Variants in VEPH1 observed in about 807,000 individuals in gnomAD.
VEPH1 encodes ventricular zone expressed PH domain containing 1, also known as ventricular zone-expressed PH domain-containing protein homolog 1.
In VEPH1, 80 loss-of-function variants were observed where a neutral mutation model predicts 85.2. The observed-to-expected ratio is 0.94, with a 90% CI of 0.78 to 1.13. VEPH1 has a LOEUF of 1.13. VEPH1 is among the 50% of genes most tolerant of loss of function. The pLI, the probability that VEPH1 is intolerant of heterozygous loss-of-function variation, is 0.00. For missense variants in VEPH1, 955 were observed against 980.5 expected, an observed-to-expected ratio of 0.97 and a Z score of 0.35; for synonymous variants, 297 against 348.0, an observed-to-expected ratio of 0.85 and a Z score of 1.63.
At chr3:157,358,148 G>C (rs1352164251) in intron 9 of VEPH1, among the ~76,000 whole-genome samples, 1 of 152,174 alleles carries the variant, frequency 6.6e-6, no homozygotes, top group Non-Finnish European at 1.5e-5. Context: ...CAGATGACTG[G>C]GATTGGGATA....
intron 10 of VEPH1, 82 bp from the exon 11 acceptor site, chr3:157,313,837 T>C: frequency 6.6e-7 from 1 of 1,519,968 alleles, no homozygotes; most frequent in South Asian, 1.2e-5. Context: ...AGGCACTGTT[T>C]AGGCTTGGTT....
chr3:157,263,914 G>A (rs940644909), intron 13 of VEPH1, among the ~76,000 whole-genome samples: 3 of 152,116 alleles, frequency 2.0e-5, no homozygotes, highest in Admixed American at 2.0e-4. Flanking sequence ...AATTAATTCA[G>A]ACAGTTTGGT....
intron 9 of VEPH1, among the ~76,000 whole-genome samples, chr3:157,357,993 G>A (rs1485770217): frequency 2.0e-5 from 3 of 152,206 alleles, no homozygotes; most frequent in African/African-American, 7.2e-5. Flanking sequence ...TTACACGCCC[G>A]AGTCTTGCAC....
intron 3 of VEPH1, among the ~76,000 whole-genome samples, chr3:157,465,310 G>A (rs1299142992): frequency 6.6e-6 from 1 of 152,130 alleles, no homozygotes; most frequent in African/African-American, 2.4e-5. Flanking sequence ...TTTAAAAAGT[G>A]GCTATAACAC....
intron 6 of VEPH1, among the ~76,000 whole-genome samples, chr3:157,395,560 G>T (rs1021408598): frequency 5.3e-5 from 8 of 152,076 alleles, no homozygotes; most frequent in African/African-American, 1.9e-4. Flanking sequence ...CAACAGAGTG[G>T]GTCATCATAT....
intron 9 of VEPH1, among the ~76,000 whole-genome samples, chr3:157,348,879 G>A (rs1399001046): frequency 1.3e-5 from 2 of 152,198 alleles, no homozygotes; most frequent in Non-Finnish European, 2.9e-5. Context: ...AAATGGCCCT[G>A]CAGCACCCCC....
At chr3:157,363,298 T>G in intron 9 of VEPH1, 66 bp downstream of exon 9, 40 of 1,442,526 alleles carry the variant, frequency 2.8e-5, no homozygotes, top group Non-Finnish European at 3.3e-5. Flanking sequence ...TTACCTGATT[T>G]GAGCTTTTTG....
In VEPH1 at chr3:157,348,883, C is replaced by G. The variant is rs571115829; in HGVS notation, c.1735+14481G>C. On this transcript the variant is annotated intron_variant, in intron 9 of 13. Coordinates refer to ENST00000362010, the MANE Select transcript of VEPH1 (RefSeq NM_001167912.2). ...CAAGGTCTGAAAAATGGCCCTGCAGCACCCCCTTGCAGCCTTCACCACTGA... is the reference window on the plus strand; with the variant it reads ...CAAGGTCTGAAAAATGGCCCTGCAGGACCCCCTTGCAGCCTTCACCACTGA... Among the ~76,000 whole-genome samples the G allele has an allele frequency of 4.6e-5, 7 of 152,354 alleles. No individual in the cohort carries two copies. In the East Asian group the frequency reaches 7.7e-4, roughly 17 times the overall value.
Position 157,470,442 on chromosome 3 carries a change from CA to C in VEPH1, c.225del (p.Ile75MetfsTer20), listed in dbSNP as rs1299740908. On this transcript the variant is annotated frameshift_variant, in exon 3 of 14. Transcript: ENST00000362010. LOFTEE classifies it high-confidence loss of function. Reference sequence around the variant, plus strand: ...CCCACAAGGGCCTTTGCATGCTTTTCAATGGACTCGGTCTCTCTGATGGCTG... The same window carrying C: ...CCCACAAGGGCCTTTGCATGCTTTTCATGGACTCGGTCTCTCTGATGGCTG... Reference protein sequence around the residue: ...ITTAIRETESIEKHAKALVGL... With the variant: ...ITTAIRETESXEKHAKALVGL... The C allele has an allele frequency of 6.2e-7, 1 of 1,614,190 alleles. No homozygotes were observed. Among genetic ancestry groups the C allele is most frequent in the Admixed American group, 1.7e-5 (1 of 60,022 alleles).
chr3:157,277,670 G>A (rs2108321600), intron 12 of VEPH1, among the ~76,000 whole-genome samples: 1 of 152,210 alleles, frequency 6.6e-6, no homozygotes, highest in East Asian at 1.9e-4. Flanking sequence ...CATGCTGTAT[G>A]TTATATATGA....
chr3:157,503,291 A>G lies in VEPH1; in HGVS notation c.-172T>C, dbSNP rs538403705. On this transcript the variant is annotated 5_prime_UTR_variant, in exon 1 of 14. Transcript: ENST00000362010. ...GATAGCCATACCTCTTTGCACAGGA[A>G]TCTCTGGTCATAGAAAATAGAAGGC... The G allele has an allele frequency of 1.3e-5, 2 of 152,346 alleles. No homozygotes were observed. Among genetic ancestry groups the G allele is most frequent in the Non-Finnish European group, 2.9e-5 (2 of 68,038 alleles). The allele number at this position is 152,346 out of a possible 1,614,324, so 9.4% of individuals were successfully genotyped here. A position where few individuals can be genotyped will look rare whatever the true frequency, so the allele number is the denominator to read the frequency against.
intron 5 of VEPH1, among the ~76,000 whole-genome samples, chr3:157,418,885 C>T (rs906332278): frequency 6.6e-6 from 1 of 152,042 alleles, no homozygotes; most frequent in African/African-American, 2.4e-5. Flanking sequence ...CGATCCTAAG[C>T]AAAAAGAATA....
chr3:157,483,003 A>G (rs984956036), intron 2 of VEPH1, among the ~76,000 whole-genome samples: 3 of 152,122 alleles, frequency 2.0e-5, no homozygotes, highest in African/African-American at 4.8e-5. Flanking sequence ...TTATTCCACA[A>G]CTACTTAATA....
chr3:157,460,072 T>A, intron 4 of VEPH1, 109 bp downstream of exon 4: 1 of 1,606,900 alleles, frequency 6.2e-7, no homozygotes, highest in African/African-American at 1.3e-5. Flanking sequence ...GAGAAATTAA[T>A]TTGCTTCTAA....
chr3:157,473,222 G>A (rs1260613487), intron 2 of VEPH1, among the ~76,000 whole-genome samples: 1 of 151,664 alleles, frequency 6.6e-6, no homozygotes, highest in Non-Finnish European at 1.5e-5. Context: ...ATAGGAGCAT[G>A]CCACCACGCC....
intron 6 of VEPH1, among the ~76,000 whole-genome samples, chr3:157,385,732 C>A (rs558925570): frequency 6.6e-6 from 1 of 152,120 alleles, no homozygotes; most frequent in Non-Finnish European, 1.5e-5. Flanking sequence ...TGTGAATATT[C>A]TTCTTGGACG....
At chr3:157,438,644 G>T (rs1303834357) in intron 4 of VEPH1, among the ~76,000 whole-genome samples, 3 of 152,158 alleles carry the variant, frequency 2.0e-5, no homozygotes, top group African/African-American at 7.2e-5. Flanking sequence ...GGGATTCAGA[G>T]AATTGGGGCC....
intron 12 of VEPH1, among the ~76,000 whole-genome samples, chr3:157,269,417 C>T (rs1474635172): frequency 6.6e-6 from 1 of 151,812 alleles, no homozygotes; most frequent in African/African-American, 2.4e-5. Flanking sequence ...GGAAAAAAAT[C>T]AATGAAAATG....
chr3:157,459,112 G>A (rs1401600032), intron 4 of VEPH1, among the ~76,000 whole-genome samples: 1 of 152,174 alleles, frequency 6.6e-6, no homozygotes, highest in Admixed American at 6.5e-5. Flanking sequence ...TGAATTACTG[G>A]GCTAAGGACT....
Sources: gnomAD v4.1 joint callset for allele counts (sites outside exome capture counted in the v4.1 genomes callset) on GRCh38, gnomAD v4.1.1 for gene constraint, MANE v1.5 for transcripts, NCBI Gene and HGNC (gene_info 2026-07-23, HGNC 2026-07-21) for gene names.